ZEB1: variants seen among roughly 807,000 people sequenced by gnomAD.
ZEB1 encodes zinc finger E-box binding homeobox 1.
Under a neutral mutation model 84.9 loss-of-function variants are expected in ZEB1, and 21 were observed. The observed-to-expected ratio is 0.25, with a 90% CI of 0.18 to 0.36. ZEB1 has a LOEUF of 0.36. Ranked by LOEUF, ZEB1 falls within the 10% of genes least tolerant of loss-of-function variation. The pLI is 1.00. For missense variants in ZEB1, 1,104 were observed against 1,330.2 expected, an observed-to-expected ratio of 0.83 and a Z score of 2.65; for synonymous variants, 420 against 471.1, an observed-to-expected ratio of 0.89 and a Z score of 1.41.
chr10:31,344,504 G>T (rs1364871120), intron 1 of ZEB1, among the ~76,000 whole-genome samples: 1 of 152,096 alleles, frequency 6.6e-6, no homozygotes, highest in Non-Finnish European at 1.5e-5. Context: ...CTGATAATCT[G>T]TTAGAAAATT....
At position 31,495,977 on chromosome 10, in the gene ZEB1, G is replaced by A. The variant is rs978317812; in HGVS notation, c.322+139G>A. The A allele has an allele frequency of 3.3e-5, 28 of 850,764 alleles. No homozygotes were observed. The South Asian group carries it at 3.7e-4, about 11-fold the overall frequency. 52.7% of individuals were successfully genotyped at this position (850,764 alleles called of 1,614,324 possible). On this transcript the variant is annotated intron_variant, in intron 3 of 8. Coordinates refer to ENST00000424869, the MANE Select transcript of ZEB1 (RefSeq NM_001174096.2). ...CTTCCTTAAATGTTTAAGTACTTAG[G>A]CATATGGTGCACTACATAAAAAGAA...
chr10:31,399,367 A>G (rs983265535), intron 1 of ZEB1, among the ~76,000 whole-genome samples: 11 of 152,104 alleles, frequency 7.2e-5, no homozygotes, highest in Non-Finnish European at 1.0e-4. Flanking sequence ...CTCCTCCGGC[A>G]GTTTTTCCCA....
chr10:31,447,372 T>C (rs2136880798), intron 1 of ZEB1, among the ~76,000 whole-genome samples: 1 of 129,394 alleles, frequency 7.7e-6, no homozygotes, highest in South Asian at 2.8e-4. Flanking sequence ...TTATCCAATT[T>C]GCCAGTCTGT....
intron 6 of ZEB1, 144 bp from the exon 7 acceptor site, chr10:31,519,980 AAG>A (rs754942543): frequency 4.6e-6 from 5 of 1,081,448 alleles, no homozygotes; most frequent in Non-Finnish European, 6.5e-6. Flanking sequence ...TGAAGCTAAA[AAG>A]TTTATTCTAA....
chr10:31,501,541 A>G (rs187954285), intron 3 of ZEB1, among the ~76,000 whole-genome samples: 97 of 152,302 alleles, frequency 6.4e-4, no homozygotes, highest in Middle Eastern at 6.8e-3. Flanking sequence ...AATTATTAAA[A>G]ACTATTTTCT....
At chr10:31,428,024 GA>G (rs2057200346) in intron 1 of ZEB1, among the ~76,000 whole-genome samples, 1 of 152,064 alleles carries the variant, frequency 6.6e-6, no homozygotes, top group African/African-American at 2.4e-5. Flanking sequence ...CTAGCTCCTG[GA>G]TTCGTTGATC....
At chr10:31,415,351 T>A (rs1024776386) in intron 1 of ZEB1, among the ~76,000 whole-genome samples, 1 of 152,062 alleles carries the variant, frequency 6.6e-6, no homozygotes, top group Non-Finnish European at 1.5e-5. Flanking sequence ...TACTACTACT[T>A]CTACTAATCA....
intron 1 of ZEB1, among the ~76,000 whole-genome samples, chr10:31,410,761 A>G (rs2054084625): frequency 6.6e-6 from 1 of 151,920 alleles, no homozygotes; most frequent in Non-Finnish European, 1.5e-5. Context: ...GAATTTATTC[A>G]TTTTTTCCTA....
At chr10:31,398,943 A>G (rs1019131115) in intron 1 of ZEB1, among the ~76,000 whole-genome samples, 1 of 150,368 alleles carries the variant, frequency 6.7e-6, no homozygotes, top group African/African-American at 2.5e-5. Flanking sequence ...ATATAGTACC[A>G]TGGCTTTATA....
chr10:31,354,396 T>C (rs150730666), intron 1 of ZEB1, among the ~76,000 whole-genome samples: 241 of 152,336 alleles, frequency 1.6e-3, no homozygotes, highest in Middle Eastern at 0.014. Flanking sequence ...GCTCATCAAT[T>C]GTAAGGCACA....
At chr10:31,440,472 G>A (rs572700479) in intron 1 of ZEB1, among the ~76,000 whole-genome samples, 228 of 152,160 alleles carry the variant, frequency 1.5e-3, no homozygotes, top group South Asian at 3.3e-3. Flanking sequence ...CAAAAATTGG[G>A]AGCATTCCCT....
intron 1 of ZEB1, among the ~76,000 whole-genome samples, chr10:31,448,000 C>A (rs2060019248): frequency 6.6e-6 from 1 of 151,104 alleles, no homozygotes; most frequent in South Asian, 2.1e-4. Flanking sequence ...TAATATCCTG[C>A]AGAGTGTTTT....
chr10:31,447,130 A>C (rs1216624285), intron 1 of ZEB1, among the ~76,000 whole-genome samples: 1 of 151,314 alleles, frequency 6.6e-6, no homozygotes, highest in Non-Finnish European at 1.5e-5. Flanking sequence ...TAGGATAGTT[A>C]GCTCTTCTTG....
chr10:31,520,408 T>G lies in ZEB1; in HGVS notation c.1076T>G (p.Ile359Arg), dbSNP rs764352027. The G allele has an allele frequency of 6.2e-7, 1 of 1,613,936 alleles. No homozygotes were observed. The highest frequency in any genetic ancestry group is 8.5e-7 in the Non-Finnish European group (1 of 1,179,944). The part of the protein sequence containing the change: ...TEPVDYEFKP[I>R]VVASGINCST... ...CCTGTGGATTATGAATTCAAACCCA[T>G]AGTGGTTGCTTCAGGAATCAACTGT... The change falls in exon 7 of 9, where the codon ATA (isoleucine) becomes AGA (arginine). Residue 359 changes from isoleucine (I) to arginine (R), a missense_variant. By Grantham distance (97) the Ile-to-Arg change is moderately conservative (BLOSUM62 -3). Around this residue, in one of 7 missense-constraint regions of ZEB1, gnomAD observed 111 missense variants for 161.8 expected, o/e 0.69. Transcript: ENST00000424869. The surrounding 1 kb of genome is among the most constrained non-coding windows in gnomAD (Gnocchi z 5.1).
At chr10:31,443,310 CT>C (rs1274619103) in intron 1 of ZEB1, among the ~76,000 whole-genome samples, 1 of 151,360 alleles carries the variant, frequency 6.6e-6, no homozygotes, top group Admixed American at 6.6e-5. Flanking sequence ...TGTCGTTTGT[CT>C]TTTGACTTGA....
At chr10:31,474,706 A>T (rs2063808813) in intron 2 of ZEB1, among the ~76,000 whole-genome samples, 1 of 152,202 alleles carries the variant, frequency 6.6e-6, no homozygotes, top group South Asian at 2.1e-4. Flanking sequence ...CTATCCCATT[A>T]CTGGGTATAT....
chr10:31,417,455 C>T (rs528931090), intron 1 of ZEB1, among the ~76,000 whole-genome samples: 38 of 151,944 alleles, frequency 2.5e-4, no homozygotes, highest in Non-Finnish European at 5.1e-4. Context: ...GAGGAAATTG[C>T]GTATTCTGGT....
intron 1 of ZEB1, among the ~76,000 whole-genome samples, chr10:31,415,517 T>C (rs906345126): frequency 4.6e-5 from 7 of 151,610 alleles, no homozygotes; most frequent in African/African-American, 2.4e-5. Context: ...TTCTATACTT[T>C]TAAAAAAATT....
Position 31,521,528 on chromosome 10 carries a change from A to C in ZEB1, c.2196A>C (p.Gln732His). The change falls in exon 7 of 9, where the codon CAA (glutamine) becomes CAC (histidine). Residue 732 changes from glutamine to histidine, a missense_variant. By Grantham distance (24) the Gln-to-His change is conservative (BLOSUM62 0). Coordinates refer to ENST00000424869, the MANE Select transcript of ZEB1 (RefSeq NM_001174096.2). ...CTGAGGGTGCACAAGAAGAGCCACA[A>C]GTAGAACCTCTTGATCTTTCACTAC... ...YTAEGAQEEPQVEPLDLSLPK... is the reference protein window; with the variant it reads ...YTAEGAQEEPHVEPLDLSLPK... 1 of 1,614,114 alleles carries C rather than the reference A, an allele frequency of 6.2e-7. No homozygotes were observed. The highest frequency in any genetic ancestry group is 8.5e-7 in the Non-Finnish European group (1 of 1,180,016).
Sources: allele counts gnomAD v4.1 joint callset (sites outside exome capture counted in the v4.1 genomes callset), GRCh38; gene constraint gnomAD v4.1.1; regional missense constraint gnomAD v4.1.1; non-coding constraint Gnocchi (gnomAD v3.1); transcripts MANE v1.5; gene names NCBI Gene and HGNC (gene_info 2026-07-23, HGNC 2026-07-21).